Variants in SCN9A observed in about 807,000 individuals in gnomAD.
SCN9A encodes sodium voltage-gated channel alpha subunit 9, also known as sodium channel protein type 9 subunit alpha.
A neutral mutation model predicts 187.0 loss-of-function variants in SCN9A; 131 were observed. The ratio of observed to expected loss-of-function variants is 0.70; its 90% CI spans 0.61 to 0.81. SCN9A has a LOEUF of 0.81. Ranked by LOEUF, SCN9A falls within the 30% of genes least tolerant of loss-of-function variation. The pLI, the probability that SCN9A is intolerant of heterozygous loss-of-function variation, is 0.00. For missense variants in SCN9A, 2,252 were observed against 2,396.6 expected (o/e 0.94, Z 1.26); for synonymous variants, 809 against 808.6 (o/e 1.00, Z -0.01).
intron 16 of SCN9A, among the ~76,000 whole-genome samples, chr2:166,274,931 G>A (rs1441854570): frequency 1.5e-4 from 23 of 152,116 alleles, no homozygotes; most frequent in Admixed American, 1.4e-3. Flanking sequence ...AACCTTATTG[G>A]TAGAACTCAT....
intron 1 of SCN9A, among the ~76,000 whole-genome samples, chr2:166,358,098 G>T (rs970171618): frequency 2.6e-4 from 38 of 148,066 alleles, no homozygotes; most frequent in Middle Eastern, 3.4e-3. Context: ...AGATGGAGTC[G>T]CTCTCTCATT....
intron 15 of SCN9A, 107 bp from the exon 16 acceptor site, chr2:166,277,446 T>A: frequency 3.1e-6 from 2 of 652,188 alleles, no homozygotes; most frequent in Non-Finnish European, 5.3e-6. Context: ...TCCTATAATA[T>A]TGTCATTATT....
chr2:166,306,065 A>T, intron 4 of SCN9A, 145 bp from the exon 5 acceptor site: 7 of 812,428 alleles, frequency 8.6e-6, no homozygotes, highest in South Asian at 3.8e-5. Context: ...CTATTAAACT[A>T]CAATAGGTCT....
chr2:166,244,582 C>T (rs748310538), intron 18 of SCN9A, among the ~76,000 whole-genome samples: 3 of 151,978 alleles, frequency 2.0e-5, no homozygotes, highest in Non-Finnish European at 4.4e-5. Flanking sequence ...GGCATACTGT[C>T]GGGCTATTGT....
chr2:166,207,428 T>TTTTTTG (rs143581972), intron 24 of SCN9A, among the ~76,000 whole-genome samples: 7 of 150,170 alleles, frequency 4.7e-5, no homozygotes, highest in African/African-American at 1.2e-4. Context: ...TTAGAGTGTT[T>TTTTTTG]TTGTTGTTGT....
intron 8 of SCN9A, 51 bp downstream of exon 8, chr2:166,294,548 T>A: frequency 7.3e-7 from 1 of 1,370,554 alleles, no homozygotes; most frequent in South Asian, 1.3e-5. Flanking sequence ...CTGAACATTC[T>A]TTTCCTTCTC....
At chr2:166,229,000 A>G (rs967647915) in intron 21 of SCN9A, 28 bp from the exon 22 acceptor site, 1 of 1,580,040 alleles carries the variant, frequency 6.3e-7, no homozygotes, top group Non-Finnish European at 8.7e-7. Flanking sequence ...GAAAAGCATG[A>G]TTAGGATTAG....
chr2:166,373,327 TAAATGCA>T, intron 1 of SCN9A, among the ~76,000 whole-genome samples: 1 of 150,100 alleles, frequency 6.7e-6, no homozygotes, highest in Non-Finnish European at 1.5e-5. Context: ...TTTTTTTTTT[TAAATGCA>T]GTTGTGAGCC....
intron 2 of SCN9A, among the ~76,000 whole-genome samples, chr2:166,309,067 C>G (rs893759127): frequency 4.6e-5 from 7 of 151,160 alleles, no homozygotes; most frequent in Admixed American, 3.3e-4. Flanking sequence ...AAGAAAGTAA[C>G]TAATATAAGG....
At chr2:166,211,767 C>T (rs1011677480) in intron 24 of SCN9A, among the ~76,000 whole-genome samples, 2 of 151,036 alleles carry the variant, frequency 1.3e-5, no homozygotes, top group African/African-American at 4.9e-5. Context: ...GGAAAATCCA[C>T]GTAAAAATAC....
intron 6 of SCN9A, chr2:166,304,006 C>T: frequency 6.2e-7 from 1 of 1,600,004 alleles, no homozygotes; most frequent in Non-Finnish European, 8.6e-7. Context: ...TCAAAGTCAG[C>T]CCTGGTGTTT....
At position 166,284,529 on chromosome 2, in the gene SCN9A, C is replaced by G. The variant is rs1412020111; in HGVS notation, c.1898G>C (p.Gly633Ala). ...ATTGGGGAGCATGAGGGCTGAGCGT[C>G]CATCAACCAGGGAGACCACACCGTT... ...DCNGVVSLVDGRSALMLPNGQ... is the reference protein window; with the variant it reads ...DCNGVVSLVDARSALMLPNGQ... The change falls in exon 12 of 27, where the codon GGA becomes GCA. Residue 633 changes from glycine to alanine, a missense_variant. Physicochemically the swap from Gly to Ala is moderately conservative, Grantham distance 60. Coordinates refer to ENST00000642356, the MANE Select transcript of SCN9A (RefSeq NM_001365536.1). 1 of 1,613,996 alleles carries G rather than the reference C, an allele frequency of 6.2e-7. No individual in the cohort carries two copies. Among genetic ancestry groups the G allele is most frequent in the East Asian group, 2.2e-5 (1 of 44,866 alleles).
At chr2:166,274,282 A>T (rs1286811855) in intron 16 of SCN9A, among the ~76,000 whole-genome samples, 1 of 152,164 alleles carries the variant, frequency 6.6e-6, no homozygotes, top group Non-Finnish European at 1.5e-5. Context: ...AAATCAAAAT[A>T]AAGTCCATTT....
intron 7 of SCN9A, chr2:166,302,017 G>A (rs916311541): frequency 6.6e-6 from 1 of 150,882 alleles, no homozygotes; most frequent in Non-Finnish European, 1.5e-5. Flanking sequence ...TTATCACAGT[G>A]AGTGAGAAAG....
chr2:166,284,907 G>A (rs1697670543), intron 11 of SCN9A, 83 bp from the exon 12 acceptor site: 5 of 1,395,200 alleles, frequency 3.6e-6, no homozygotes, highest in Non-Finnish European at 4.7e-6. Context: ...TGAACCCACT[G>A]GCCTGAGGGC....
In SCN9A at chr2:166,281,445, C is replaced by T. The variant is rs144487513; in HGVS notation, c.2104+234G>A. Among the ~76,000 whole-genome samples, 124 of 152,088 alleles carry T rather than the reference C, an allele frequency of 8.2e-4. No homozygotes were observed. The East Asian group carries it at 0.023, about 28-fold the overall frequency. ...TGTGGGTTTTCTTTTTTTCATTTTGCAAAGTCATTTTTGCCATGTTATCAA... is the reference window on the plus strand; with the variant it reads ...TGTGGGTTTTCTTTTTTTCATTTTGTAAAGTCATTTTTGCCATGTTATCAA... On this transcript the variant is annotated intron_variant, in intron 13 of 26. Coordinates refer to ENST00000642356, the MANE Select transcript of SCN9A (RefSeq NM_001365536.1).
intron 1 of SCN9A, among the ~76,000 whole-genome samples, chr2:166,368,535 A>C (rs926826644): frequency 6.6e-6 from 1 of 152,146 alleles, no homozygotes; most frequent in Non-Finnish European, 1.5e-5. Context: ...TGGGAGGCTG[A>C]GGCAGGAGAA....
chr2:166,292,693 A>G (rs4128577), intron 9 of SCN9A, among the ~76,000 whole-genome samples: 114,189 of 152,032 alleles, frequency 0.75, 43,894 homozygotes, highest in African/African-American at 0.92. Context: ...AAATAGCCAC[A>G]TGAATTACCA....
chr2:166,256,046 T>C (rs924570725), intron 17 of SCN9A, among the ~76,000 whole-genome samples: 2 of 151,458 alleles, frequency 1.3e-5, no homozygotes, highest in Non-Finnish European at 3.0e-5. Flanking sequence ...ACATAGTTAC[T>C]ATGTGGCATA....
Sources: allele counts gnomAD v4.1 joint callset (sites outside exome capture counted in the v4.1 genomes callset), GRCh38; gene constraint gnomAD v4.1.1; transcripts MANE v1.5; gene names NCBI Gene and HGNC (gene_info 2026-07-23, HGNC 2026-07-21).